ARL15: variants seen among roughly 807,000 people sequenced by gnomAD.
ARL15 encodes ARF like GTPase 15, also known as ADP-ribosylation factor-like protein 15.
ARL15 carries 19 observed loss-of-function variants against 25.2 expected under a neutral mutation model. That is an observed-to-expected ratio of 0.75 (90% CI 0.53 to 1.10). The LOEUF (loss-of-function observed/expected upper bound fraction) is 1.10. Ranked by LOEUF, ARL15 falls within the 50% of genes least tolerant of loss-of-function variation. The pLI is 0.00. For missense variants in ARL15, 220 were observed against 246.0 expected (o/e 0.89, Z 0.71); for synonymous variants, 94 against 86.8 (o/e 1.08, Z -0.46).
chr5:54,228,875 A>G (rs1656862857), intron 1 of ARL15, among the ~76,000 whole-genome samples: 1 of 152,202 alleles, frequency 6.6e-6, no homozygotes, highest in African/African-American at 2.4e-5. Context: ...TTAAAAGGAT[A>G]TCATAGTATT....
At chr5:54,207,797 G>C (rs1755912743) in intron 1 of ARL15, among the ~76,000 whole-genome samples, 1 of 152,144 alleles carries the variant, frequency 6.6e-6, no homozygotes, top group Non-Finnish European at 1.5e-5. Flanking sequence ...GCATGAAGGA[G>C]GGACTAAAAA....
chr5:54,032,358 C>G (rs887864915), intron 4 of ARL15, among the ~76,000 whole-genome samples: 4 of 151,956 alleles, frequency 2.6e-5, no homozygotes, highest in African/African-American at 9.7e-5. Flanking sequence ...CTTAACCTCC[C>G]GAGTAGCTGG....
chr5:53,942,514 G>A (rs1382068824), intron 4 of ARL15, among the ~76,000 whole-genome samples: 8 of 151,086 alleles, frequency 5.3e-5, no homozygotes, highest in Admixed American at 1.3e-4. Flanking sequence ...TTGGGAGGCC[G>A]AGGCAGGTGG....
intron 4 of ARL15, among the ~76,000 whole-genome samples, chr5:53,943,748 A>C (rs1324261180): frequency 6.6e-6 from 1 of 152,196 alleles, no homozygotes. Context: ...TAAGAGAACC[A>C]AAGCTGGATA....
intron 4 of ARL15, among the ~76,000 whole-genome samples, chr5:54,085,495 A>G (rs895231620): frequency 2.0e-5 from 3 of 152,162 alleles, no homozygotes; most frequent in African/African-American, 7.2e-5. Context: ...CAAATATATA[A>G]TCAGTGGCTT....
At chr5:54,243,292 A>G (rs1336980747) in intron 1 of ARL15, among the ~76,000 whole-genome samples, 1 of 152,212 alleles carries the variant, frequency 6.6e-6, no homozygotes, top group Non-Finnish European at 1.5e-5. Context: ...CCTTGATTAC[A>G]GCCTTCTGTA....
At chr5:54,057,991 TATTTATTTA>T (rs1561206261) in intron 4 of ARL15, among the ~76,000 whole-genome samples, 2 of 83,670 alleles carry the variant, frequency 2.4e-5, no homozygotes, top group African/African-American at 5.9e-5. Context: ...CTGGTGCCTT[TATTTATTTA>T]TTTATTTATT....
intron 4 of ARL15, among the ~76,000 whole-genome samples, chr5:53,937,504 C>G (rs2112073066): frequency 6.6e-6 from 1 of 152,272 alleles, no homozygotes; most frequent in Middle Eastern, 3.4e-3. Flanking sequence ...CAAGGATGGG[C>G]TGCATATATG....
Position 54,239,231 on chromosome 5 carries a change from A to ATT in ARL15, c.49-67305_49-67304dup, listed in dbSNP as rs57640006. On this transcript the variant is annotated intron_variant, in intron 1 of 4. Transcript: ENST00000504924. ...AAGGGAAAAGGCTTTTATGAATGCC[A>ATT]TTTTTTTTTTTTTTGGAAAAGTAAC... 7.5e-3 allele frequency among the ~76,000 whole-genome samples: 1,110 copies of ATT among 148,760 alleles called. 12 individuals are homozygous for ATT. The highest frequency in any genetic ancestry group is 0.026 in the African/African-American group (1,032 of 40,456).
At chr5:54,002,526 G>C (rs549592675) in intron 4 of ARL15, among the ~76,000 whole-genome samples, 1 of 152,168 alleles carries the variant, frequency 6.6e-6, no homozygotes, top group Non-Finnish European at 1.5e-5. Flanking sequence ...ACACTGTGTT[G>C]AGATATTTTA....
intron 4 of ARL15, among the ~76,000 whole-genome samples, chr5:54,008,893 T>G (rs1749136999): frequency 6.6e-6 from 1 of 152,358 alleles, no homozygotes; most frequent in African/African-American, 2.4e-5. Context: ...TATTCTGGCA[T>G]TGTCATTTCA....
At position 53,886,549 on chromosome 5, in the gene ARL15, C is replaced by A; in HGVS notation, c.*12G>T. 1 of 1,552,032 alleles carries A rather than the reference C, an allele frequency of 6.4e-7. No individual in the cohort carries two copies. Among genetic ancestry groups the A allele is most frequent in the East Asian group, 2.4e-5 (1 of 42,392 alleles). On this transcript the variant is annotated 3_prime_UTR_variant, in exon 5 of 5. Transcript: ENST00000504924. ...TCAAGGCCTTTTGGGAGCCTGTTTT[C>A]TTTGCCAGATTTCACATTCTTACAG...
At chr5:54,085,287 T>C (rs1751931023) in intron 4 of ARL15, among the ~76,000 whole-genome samples, 1 of 152,242 alleles carries the variant, frequency 6.6e-6, no homozygotes, top group African/African-American at 2.4e-5. Context: ...ACAGGTCTTA[T>C]AAGTCTATTT....
chr5:54,276,200 T>C (rs1757925458), intron 1 of ARL15, among the ~76,000 whole-genome samples: 1 of 152,218 alleles, frequency 6.6e-6, no homozygotes, highest in Non-Finnish European at 1.5e-5. Context: ...AATTAAGGTG[T>C]GTCTCACTTT....
At position 54,060,129 on chromosome 5, in the gene ARL15, T is replaced by TAA. The variant is rs1165458695; in HGVS notation, c.462+53071_462+53072dup. Among the ~76,000 whole-genome samples the TAA allele has an allele frequency of 3.9e-4, 30 of 77,528 alleles. 2 individuals carry two copies. Among genetic ancestry groups the TAA allele is most frequent in the South Asian group, 1.1e-3 (2 of 1,874 alleles). The allele number at this position is 77,528 out of a possible 152,430, so 50.9% of individuals were successfully genotyped here. On this transcript the variant is annotated intron_variant, in intron 4 of 4. Coordinates refer to ENST00000504924, the MANE Select transcript of ARL15 (RefSeq NM_019087.3). ...AATGAGTCTCATGAGATCTGATGAC[T>TAA]AAAAAAAAAAAAAAAAAAAAAAACC...
chr5:54,234,544 C>T (rs1443405774), intron 1 of ARL15, among the ~76,000 whole-genome samples: 1 of 152,114 alleles, frequency 6.6e-6, no homozygotes, highest in Non-Finnish European at 1.5e-5. Flanking sequence ...CAATAGCATC[C>T]ACTGGTAAGG....
intron 4 of ARL15, among the ~76,000 whole-genome samples, chr5:53,921,027 T>C (rs1430555630): frequency 6.6e-6 from 1 of 152,144 alleles, no homozygotes; most frequent in Non-Finnish European, 1.5e-5. Flanking sequence ...CTTGAATAAC[T>C]ACAAGGAGCA....
intron 4 of ARL15, among the ~76,000 whole-genome samples, chr5:54,004,261 G>A (rs10940355): frequency 0.017 from 2,615 of 152,244 alleles, 93 homozygotes; most frequent in African/African-American, 0.059. Context: ...TTGGGAGGCT[G>A]AGGCAGGCAG....
At chr5:54,221,077 T>TCTCC (rs1377728156) in intron 1 of ARL15, among the ~76,000 whole-genome samples, 1 of 152,214 alleles carries the variant, frequency 6.6e-6, no homozygotes, top group Non-Finnish European at 1.5e-5. Context: ...AAGGAAAGAA[T>TCTCC]CTCCACCTTT....
Sources: allele counts gnomAD v4.1 joint callset (sites outside exome capture counted in the v4.1 genomes callset), GRCh38; gene constraint gnomAD v4.1.1; transcripts MANE v1.5; gene names NCBI Gene and HGNC (gene_info 2026-07-23, HGNC 2026-07-21).